Variants in MGAT5 observed in about 807,000 individuals in gnomAD.
MGAT5 encodes alpha-1,6-mannosylglycoprotein 6-beta-N-acetylglucosaminyltransferase, also known as alpha-1,6-mannosylglycoprotein 6-beta-N-acetylglucosaminyltransferase A.
Under a neutral mutation model 94.3 loss-of-function variants are expected in MGAT5, and 30 were observed. That is an observed-to-expected ratio of 0.32 (90% CI 0.24 to 0.43). The LOEUF (loss-of-function observed/expected upper bound fraction) is 0.43. MGAT5 is among the 20% of genes least tolerant of loss of function. The pLI is 1.00. For missense variants in MGAT5, 691 were observed against 905.5 expected, an observed-to-expected ratio of 0.76 and a Z score of 3.04; for synonymous variants, 310 against 322.9, an observed-to-expected ratio of 0.96 and a Z score of 0.43.
chr2:134,394,642 T>G (rs965185035), intron 10 of MGAT5, among the ~76,000 whole-genome samples: 22 of 152,234 alleles, frequency 1.4e-4, no homozygotes, highest in Admixed American at 8.5e-4. Flanking sequence ...TCTTTACTGA[T>G]GTGATTGGGT....
At chr2:134,199,868 T>C (rs1007132314) in intron 1 of MGAT5, among the ~76,000 whole-genome samples, 1 of 152,154 alleles carries the variant, frequency 6.6e-6, no homozygotes, top group Admixed American at 6.5e-5. Context: ...AAGCAGATAC[T>C]GATTGGTGCT....
chr2:134,417,086 T>C (rs1256984409), intron 12 of MGAT5, among the ~76,000 whole-genome samples: 1 of 152,162 alleles, frequency 6.6e-6, no homozygotes, highest in Admixed American at 6.5e-5. Flanking sequence ...GTAATGCTAC[T>C]ATGAACATTG....
chr2:134,130,591 A>T (rs1293863682), intron 1 of MGAT5, among the ~76,000 whole-genome samples: 1 of 151,974 alleles, frequency 6.6e-6, no homozygotes, highest in African/African-American at 2.4e-5. Flanking sequence ...CTTTGTATCT[A>T]GCTGATCTGG....
chr2:134,180,468 T>C (rs1688680763), intron 1 of MGAT5, among the ~76,000 whole-genome samples: 1 of 152,220 alleles, frequency 6.6e-6, no homozygotes, highest in African/African-American at 2.4e-5. Flanking sequence ...ATGTATTTCA[T>C]AGGATCAGTT....
intron 9 of MGAT5, among the ~76,000 whole-genome samples, chr2:134,357,158 C>T (rs1161024219): frequency 6.6e-6 from 1 of 152,078 alleles, no homozygotes; most frequent in East Asian, 1.9e-4. Context: ...ACAATATTGC[C>T]TATTATGTTT....
intron 1 of MGAT5, among the ~76,000 whole-genome samples, chr2:134,236,905 G>A (rs1429419449): frequency 6.6e-6 from 1 of 152,152 alleles, no homozygotes; most frequent in Non-Finnish European, 1.5e-5. Context: ...TTTGTCTGAT[G>A]AGGTTGCAAC....
chr2:134,420,474 C>T (rs910302278), intron 12 of MGAT5, among the ~76,000 whole-genome samples: 1 of 152,212 alleles, frequency 6.6e-6, no homozygotes, highest in Non-Finnish European at 1.5e-5. Flanking sequence ...CTGCAGTCAG[C>T]AGAGGCTCAC....
At chr2:134,343,105 G>A (rs182243414) in intron 7 of MGAT5, among the ~76,000 whole-genome samples, 73 of 152,262 alleles carry the variant, frequency 4.8e-4, no homozygotes, top group African/African-American at 1.5e-3. Flanking sequence ...GAGTGGGTAG[G>A]TAAATAAATG....
At position 134,125,738 on chromosome 2, in the gene MGAT5, T is replaced by A. The variant is rs548532077; in HGVS notation, c.-143+5447T>A. ...GCTCACACCCAGCTTCACCTTGGAA[T>A]GTGGTAGGGAGCAGGTTGGTGTGGC... On this transcript the variant is annotated intron_variant, in intron 1 of 16. Coordinates refer to the MGAT5 transcript ENST00000409645. Among the ~76,000 whole-genome samples, 19 of 152,302 alleles carry A rather than the reference T, an allele frequency of 1.2e-4. No individual in the cohort carries two copies. In the East Asian group the frequency reaches 2.1e-3, roughly 17 times the overall value.
At chr2:134,358,056 T>A (rs1679859083) in intron 9 of MGAT5, among the ~76,000 whole-genome samples, 1 of 152,174 alleles carries the variant, frequency 6.6e-6, no homozygotes, top group Non-Finnish European at 1.5e-5. Context: ...TTCTTCAGTA[T>A]TTTAAATGAT....
intron 2 of MGAT5, among the ~76,000 whole-genome samples, chr2:134,295,255 A>G (rs1685606817): frequency 6.6e-6 from 1 of 152,202 alleles, no homozygotes; most frequent in South Asian, 2.1e-4. Flanking sequence ...TCTAGAAACT[A>G]TGGTGAAAGT....
chr2:134,213,801 C>T (rs540552454), intron 1 of MGAT5, among the ~76,000 whole-genome samples: 3 of 148,908 alleles, frequency 2.0e-5, no homozygotes, highest in African/African-American at 7.8e-5. Flanking sequence ...ACAGGAGCCT[C>T]TGTCCTTGTG....
At chr2:134,332,071 G>C (rs1387531113) in intron 4 of MGAT5, among the ~76,000 whole-genome samples, 1 of 151,990 alleles carries the variant, frequency 6.6e-6, no homozygotes, top group African/African-American at 2.4e-5. Context: ...TTTCTTCACA[G>C]AATTGGAAAA....
At chr2:134,327,709 C>T (rs1021424672) in intron 4 of MGAT5, among the ~76,000 whole-genome samples, 1 of 152,006 alleles carries the variant, frequency 6.6e-6, no homozygotes, top group African/African-American at 2.4e-5. Context: ...AAAGTGAAGC[C>T]GTGGATAAGA....
Position 134,398,830 on chromosome 2 carries a change from G to A in MGAT5, c.1381-4158G>A, listed in dbSNP as rs1312462264. 2.6e-5 allele frequency among the ~76,000 whole-genome samples: 4 copies of A among 152,198 alleles called. No homozygotes were observed. The East Asian group carries it at 5.8e-4, about 22-fold the overall frequency. On this transcript the variant is annotated intron_variant, in intron 10 of 15. Coordinates refer to ENST00000281923, the MANE Select transcript of MGAT5 (RefSeq NM_002410.5). ...GTGAAATAAGCAAGTCACAGATGTC[G>A]AATGTTCTCACTCCTATGTAGGAGC...
intron 1 of MGAT5, among the ~76,000 whole-genome samples, chr2:134,171,007 C>T (rs189234424): frequency 4.5e-4 from 69 of 152,090 alleles, no homozygotes; most frequent in African/African-American, 1.4e-3. Context: ...ATTACAGGCA[C>T]GTACCATCAC....
chr2:134,334,974 T>C (rs1464309828), intron 4 of MGAT5, among the ~76,000 whole-genome samples: 2 of 152,162 alleles, frequency 1.3e-5, no homozygotes, highest in African/African-American at 4.8e-5. Flanking sequence ...ATTTCACTTT[T>C]CCTATTCAGA....
At chr2:134,447,597 C>T (rs116027306) in intron 15 of MGAT5, among the ~76,000 whole-genome samples, 3,296 of 152,322 alleles carry the variant, frequency 0.022, 63 homozygotes, top group Non-Finnish European at 0.029. Context: ...ACCACTTTCT[C>T]TGATATCAGA....
At chr2:134,193,048 A>G (rs1679304651) in intron 1 of MGAT5, among the ~76,000 whole-genome samples, 1 of 152,126 alleles carries the variant, frequency 6.6e-6, no homozygotes, top group African/African-American at 2.4e-5. Flanking sequence ...TCTATTAGAA[A>G]AAAACAGTAA....
Sources: gnomAD v4.1 joint callset for allele counts (sites outside exome capture counted in the v4.1 genomes callset) on GRCh38, gnomAD v4.1.1 for gene constraint, MANE v1.5 for transcripts, NCBI Gene and HGNC (gene_info 2026-07-23, HGNC 2026-07-21) for gene names.